Variants in NBAS observed in about 807,000 individuals in gnomAD.
NBAS encodes the protein NBAS subunit of NRZ tethering complex.
A neutral mutation model predicts 302.5 loss-of-function variants in NBAS; 219 were observed. That is an observed-to-expected ratio of 0.72 (90% CI 0.65 to 0.81). The LOEUF is 0.81. Among genes scored for constraint, NBAS ranks in the 30% least tolerant of loss-of-function variants. The pLI is 0.00. For synonymous variants in NBAS, 1,118 were observed against 1,021.6 expected (o/e 1.09, Z -1.80); for missense variants, 2,932 against 2,841.6 (o/e 1.03, Z -0.72).
intron 44 of NBAS, among the ~76,000 whole-genome samples, chr2:15,270,208 G>GTC (rs1184192173): frequency 8.6e-5 from 13 of 152,044 alleles, no homozygotes; most frequent in Non-Finnish European, 1.8e-4. Flanking sequence ...TTTAGACAGA[G>GTC]TCTCTCTCTG....
chr2:15,154,225 A>C, the NBAS span, among the ~76,000 whole-genome samples: 1 of 152,224 alleles, frequency 6.6e-6, no homozygotes, highest in Non-Finnish European at 1.5e-5. Flanking sequence ...AGAGACAGTC[A>C]ATGAAATTCC....
intron 30 of NBAS, among the ~76,000 whole-genome samples, chr2:15,379,204 T>TG (rs990126283): frequency 1.3e-4 from 19 of 150,994 alleles, no homozygotes; most frequent in Non-Finnish European, 2.7e-4. Context: ...CTCTTTTTTT[T>TG]TTTCAAAAGA....
chr2:15,018,720 T>A, the NBAS span, among the ~76,000 whole-genome samples: 1 of 152,080 alleles, frequency 6.6e-6, no homozygotes, highest in Admixed American at 6.6e-5. Flanking sequence ...AAACCATTTC[T>A]ACACGTAATA....
the NBAS span, among the ~76,000 whole-genome samples, chr2:14,937,638 G>A: frequency 6.6e-6 from 1 of 152,146 alleles, no homozygotes; most frequent in South Asian, 2.1e-4. Context: ...TCAAAGGCAA[G>A]TTTGTTTCAG....
chr2:15,393,639 T>C, intron 28 of NBAS: 1 of 349,142 alleles, frequency 2.9e-6, no homozygotes, highest in Non-Finnish European at 5.9e-6. Flanking sequence ...ACACAAACAC[T>C]TGCATATGAA....
chr2:15,221,561 A>G (rs1268766481), intron 47 of NBAS, among the ~76,000 whole-genome samples: 1 of 152,224 alleles, frequency 6.6e-6, no homozygotes, highest in Non-Finnish European at 1.5e-5. Flanking sequence ...AAAAGTGACT[A>G]TTATCCAAAT....
chr2:14,908,138 C>T, the NBAS span, among the ~76,000 whole-genome samples: 10 of 152,066 alleles, frequency 6.6e-5, no homozygotes, highest in Non-Finnish European at 1.2e-4. Context: ...CCGAGGCAGG[C>T]GGATCACAAG....
At position 15,415,405 on chromosome 2, in the gene NBAS, T is replaced by G. The variant is rs1247749386; in HGVS notation, c.2937+141A>C. 4 of 802,374 alleles carry G rather than the reference T, an allele frequency of 5.0e-6. No individual in the cohort carries two copies. The African/African-American group carries it at 5.2e-5, about 11-fold the overall frequency. 49.7% of individuals were successfully genotyped at this position (802,374 alleles called of 1,614,324 possible). ...CTTTTGACTATGCTGTTAAAACTTT[T>G]TAAACAATAAAATGACAATCATTTG... is the stretch of plus-strand genomic sequence containing the variant. On this transcript the variant is annotated intron_variant, in intron 25 of 51. Transcript: ENST00000281513.
intron 7 of NBAS, among the ~76,000 whole-genome samples, chr2:15,538,964 G>A (rs1182399079): frequency 1.3e-5 from 2 of 152,048 alleles, no homozygotes; most frequent in Admixed American, 6.6e-5. Flanking sequence ...TGTCACTAGA[G>A]CTTTATCACA....
At chr2:15,098,457 A>G in the NBAS span, among the ~76,000 whole-genome samples, 139 of 93,740 alleles carry the variant, frequency 1.5e-3, 2 homozygotes, top group African/African-American at 2.3e-3. Flanking sequence ...TATATTATAT[A>G]TTATATATTG....
chr2:14,863,511 C>T, the NBAS span, among the ~76,000 whole-genome samples: 4 of 152,210 alleles, frequency 2.6e-5, no homozygotes, highest in African/African-American at 9.6e-5. Context: ...AGGGCAGGAA[C>T]AAGTCATAAT....
At chr2:15,124,589 GT>G in the NBAS span, among the ~76,000 whole-genome samples, 1 of 152,182 alleles carries the variant, frequency 6.6e-6, no homozygotes, top group Non-Finnish European at 1.5e-5. Flanking sequence ...CCCATCACAA[GT>G]CCAGAGGCCT....
At chr2:15,379,908 C>A in intron 29 of NBAS, 77 bp from the exon 30 acceptor site, 1 of 1,379,252 alleles carries the variant, frequency 7.3e-7, no homozygotes, top group Non-Finnish European at 1.0e-6. Context: ...CTCTGAAATC[C>A]AAATGAAAGA....
At chr2:15,371,901 A>T (rs1311651545) in intron 31 of NBAS, among the ~76,000 whole-genome samples, 1 of 152,228 alleles carries the variant, frequency 6.6e-6, no homozygotes, top group Non-Finnish European at 1.5e-5. Context: ...CACTAATTCT[A>T]TGATTATTTA....
chr2:15,372,841 A>T (rs574135970), intron 31 of NBAS, among the ~76,000 whole-genome samples: 8 of 152,354 alleles, frequency 5.3e-5, no homozygotes, highest in African/African-American at 1.9e-4. Flanking sequence ...CTAATTGATC[A>T]GCACAGAAAA....
chr2:15,561,309 G>T lies in NBAS; in HGVS notation c.-5C>A, dbSNP rs376145177. The T allele has an allele frequency of 6.2e-7, 1 of 1,611,408 alleles. No homozygotes were observed. Among genetic ancestry groups the T allele is most frequent in the African/African-American group, 1.3e-5 (1 of 74,874 alleles). On this transcript the variant is annotated 5_prime_UTR_variant, in exon 1 of 52. Transcript: ENST00000281513. Reference sequence around the variant, plus strand: ...CCCTGACTCGGGGGCCGCCATGTTCGCCGAGGACTCAGGCAGCGGAGGAGT... The same window carrying T: ...CCCTGACTCGGGGGCCGCCATGTTCTCCGAGGACTCAGGCAGCGGAGGAGT...
chr2:14,846,500 C>T, the NBAS span, among the ~76,000 whole-genome samples: 3 of 143,726 alleles, frequency 2.1e-5, no homozygotes, highest in African/African-American at 8.3e-5. Context: ...ACAAAGCTTA[C>T]TGGTAATAGT....
the NBAS span, among the ~76,000 whole-genome samples, chr2:15,091,319 A>G: frequency 2.0e-5 from 3 of 152,240 alleles, no homozygotes; most frequent in Non-Finnish European, 4.4e-5. Flanking sequence ...GTCCACTGAT[A>G]TGTGGATTTT....
chr2:15,467,545 T>C (rs1679775942), intron 18 of NBAS, 119 bp downstream of exon 18: 2 of 1,274,144 alleles, frequency 1.6e-6, no homozygotes, highest in East Asian at 4.8e-5. Context: ...AAGATAATAG[T>C]AAGTACATTT....
Sources: gnomAD v4.1 joint callset for allele counts (sites outside exome capture counted in the v4.1 genomes callset) on GRCh38, gnomAD v4.1.1 for gene constraint, MANE v1.5 for transcripts, NCBI Gene and HGNC (gene_info 2026-07-23, HGNC 2026-07-21) for gene names.